LYPD2: variants seen among roughly 807,000 people sequenced by gnomAD.
LYPD2 encodes LY6/PLAUR domain containing 2.
A neutral mutation model predicts 7.1 loss-of-function variants in LYPD2; 5 were observed. The observed-to-expected ratio is 0.70, with a 90% CI of 0.37 to 1.48. The LOEUF (loss-of-function observed/expected upper bound fraction) is 1.48, where lower values mean the gene tolerates loss of function less well. Among genes scored for constraint, LYPD2 ranks in the 40% most tolerant of loss-of-function variants. The probability of loss-of-function intolerance (pLI) is 0.03; values close to 1 mark genes in which losing one functional copy is unlikely to be tolerated. For missense variants in LYPD2, 177 were observed against 171.0 expected (o/e 1.04, Z -0.20); for synonymous variants, 78 against 82.0 (o/e 0.95, Z 0.26).
chr8:142,751,057 C>A lies in LYPD2; in HGVS notation c.172G>T (p.Glu58Ter). Residue 58 changes from glutamate to a stop codon, truncating the protein, a stop_gained, in exon 2 of 3, where the codon GAG becomes TAG. Transcript: ENST00000359228. LOFTEE classifies it low-confidence loss of function (END_TRUNC). ...TMCKTTLYSR[E>*]IVYPFQGDST... is the part of the protein sequence containing the mutation. Reference sequence around the variant, plus strand: ...GCCTTCTGTGCCCACTGACCTATCTCCCGGGAGTAGAGTGTGGTCTTGCAC... The same window carrying A: ...GCCTTCTGTGCCCACTGACCTATCTACCGGGAGTAGAGTGTGGTCTTGCAC... 2 of 1,614,156 alleles carry A rather than the reference C, an allele frequency of 1.2e-6. No individual in the cohort carries two copies. The highest frequency in any genetic ancestry group is 1.7e-6 in the Non-Finnish European group (2 of 1,180,020).
At chr8:142,750,791 A>G (rs1190964453) in intron 2 of LYPD2, among the ~76,000 whole-genome samples, 1 of 152,230 alleles carries the variant, frequency 6.6e-6, no homozygotes, top group Non-Finnish European at 1.5e-5. Context: ...ACCGAAGGAC[A>G]TGAGGGAGAG....
intron 2 of LYPD2, 107 bp from the exon 3 acceptor site, chr8:142,750,589 G>A (rs1217799051): frequency 4.0e-5 from 44 of 1,096,754 alleles, no homozygotes; most frequent in Non-Finnish European, 4.4e-5. Context: ...CACCCACCCG[G>A]GTCTCCGTCC....
At chr8:142,752,367 A>G in intron 1 of LYPD2, 27 bp downstream of exon 1, 2 of 1,612,270 alleles carry the variant, frequency 1.2e-6, no homozygotes, top group South Asian at 1.1e-5. Flanking sequence ...CCTCCGTCCC[A>G]GCTCCCCTGT....
In LYPD2 at chr8:142,752,499, G is replaced by A. The variant is rs373750977; in HGVS notation, c.-48C>T. ...CTCTCACCCCAGGCTTGCCTGGCGG[G>A]GACAGCAGACACCAAGTGAGGTGGC... On this transcript the variant is annotated 5_prime_UTR_variant, in exon 1 of 3. Coordinates refer to ENST00000359228, the MANE Select transcript of LYPD2 (RefSeq NM_205545.3). The A allele has an allele frequency of 5.6e-6, 9 of 1,605,292 alleles. No homozygotes were observed. Among genetic ancestry groups the A allele is most frequent in the Admixed American group, 5.0e-5 (3 of 59,670 alleles).
chr8:142,750,314 G>A lies in LYPD2; in HGVS notation c.347C>T (p.Thr116Met), dbSNP rs368060572. Residue 116 changes from threonine (T) to methionine (M), a missense_variant, in exon 3 of 3, where the codon ACG becomes ATG. Thr to Met is a moderately conservative substitution (Grantham distance 81, BLOSUM62 -1). Transcript: ENST00000359228. ...ALNSLHCGAL[T>M]LLPLLSLRL ...TCGGAGGCTCAAGAGTGGGAGGAGC[G>A]TGAGGGCCCCGCAGTGGAGGCTGTT... 1.9e-5 allele frequency: 29 copies of A among 1,553,530 alleles called. No homozygotes were observed. The highest frequency in any genetic ancestry group is 1.7e-4 in the Middle Eastern group (1 of 6,016).
Position 142,750,259 on chromosome 8 carries a change from G to A in LYPD2, c.*24C>T, listed in dbSNP as rs781666883. 9 of 1,546,966 alleles carry A rather than the reference G, an allele frequency of 5.8e-6. No individual in the cohort carries two copies. Among genetic ancestry groups the A allele is most frequent in the Admixed American group, 3.9e-5 (2 of 50,956 alleles). ...AAGGCATTCGGGGCTGGGCCGCATA[G>A]GGCCATGGGGGTGGGCGGGGACTCT... On this transcript the variant is annotated 3_prime_UTR_variant, in exon 3 of 3. Transcript: ENST00000359228.
At position 142,750,488 on chromosome 8, in the gene LYPD2, G is replaced by A. The variant is rs1814679149; in HGVS notation, c.179-6C>T. The A allele has an allele frequency of 1.9e-6, 3 of 1,573,844 alleles. No individual in the cohort carries two copies. Among genetic ancestry groups the A allele is most frequent in the South Asian group, 2.3e-5 (2 of 85,616 alleles). ...GTCCCCCTGGAAGGGGTACACTGTG[G>A]GGTGTGGGAAGAGTCAGCCGTCAGG... is the stretch of plus-strand genomic sequence containing the variant. On this transcript the variant is annotated splice_region_variant and splice_polypyrimidine_tract_variant and intron_variant, in intron 2 of 2. Coordinates refer to ENST00000359228, the MANE Select transcript of LYPD2 (RefSeq NM_205545.3).
chr8:142,750,393 G>T lies in LYPD2; in HGVS notation c.268C>A (p.Pro90Thr). ...AGCTCAGTATTGCAGCAGGACACGG[G>T]CAGGGTCTGGCCGATGCCATCCACA... ...SDVDGIGQTLPVSCCNTELCN... is the reference protein window; with the variant it reads ...SDVDGIGQTLTVSCCNTELCN... The change falls in exon 3 of 3, where the codon CCC becomes ACC. Residue 90 changes from proline (P) to threonine (T), a missense_variant. Physicochemically the swap from Pro to Thr is conservative, Grantham distance 38. Coordinates refer to ENST00000359228, the MANE Select transcript of LYPD2 (RefSeq NM_205545.3). 6.3e-7 allele frequency: 1 copy of T among 1,578,018 alleles called. No individual in the cohort carries two copies.
At position 142,751,164 on chromosome 8, in the gene LYPD2, G is replaced by A. The variant is rs1230443006; in HGVS notation, c.65C>T (p.Ala22Val). 2 of 1,613,942 alleles carry A rather than the reference G, an allele frequency of 1.2e-6. No individual in the cohort carries two copies. The highest frequency in any genetic ancestry group is 8.5e-7 in the Non-Finnish European group (1 of 1,180,008). The change falls in exon 2 of 3, where the codon GCC (alanine) becomes GTC (valine). Residue 22 changes from alanine to valine, a missense_variant. Coordinates refer to ENST00000359228, the MANE Select transcript of LYPD2 (RefSeq NM_205545.3). ...VLAACGELAP[A>V]LRCYVCPEPT... ...CTCCGGACAGACGTAGCAGCGCAGG[G>A]CCGGCGCTGGGGAGAAGGGACAAGG...
In LYPD2 at chr8:142,750,349, C is replaced by T. The variant is rs367781338; in HGVS notation, c.312G>A (p.Ala104=). 59 of 1,558,526 alleles carry T rather than the reference C, an allele frequency of 3.8e-5. No homozygotes were observed. Among genetic ancestry groups the T allele is most frequent in the African/African-American group, 2.0e-4 (15 of 73,556 alleles). The change falls in exon 3 of 3, where the codon GCG becomes GCA. Residue 104 remains alanine (A), a synonymous_variant. Coordinates refer to ENST00000359228, the MANE Select transcript of LYPD2 (RefSeq NM_205545.3). ...CGCAGTGGAGGCTGTTCAGAGCGGGCGCCCCGTCTACATTGCACAGCTCAG... is the reference window on the plus strand; with the variant it reads ...CGCAGTGGAGGCTGTTCAGAGCGGGTGCCCCGTCTACATTGCACAGCTCAG... ...CNTELCNVDG[A]PALNSLHCGA...
chr8:142,752,483 C>G lies in LYPD2; in HGVS notation c.-32G>C, dbSNP rs181564279. The G allele has an allele frequency of 1.2e-6, 2 of 1,611,224 alleles. No individual in the cohort carries two copies. The highest frequency in any genetic ancestry group is 1.1e-5 in the South Asian group (1 of 90,962). On this transcript the variant is annotated 5_prime_UTR_variant, in exon 1 of 3. Transcript: ENST00000359228. ...GGCCCACTCCTCTGTGCTCTCACCCCAGGCTTGCCTGGCGGGGACAGCAGA... is the reference window on the plus strand; with the variant it reads ...GGCCCACTCCTCTGTGCTCTCACCCGAGGCTTGCCTGGCGGGGACAGCAGA...
intron 2 of LYPD2, 83 bp downstream of exon 2, chr8:142,750,968 T>C: frequency 6.3e-7 from 1 of 1,591,624 alleles, no homozygotes; most frequent in Non-Finnish European, 8.6e-7. Context: ...CTCACTGCCC[T>C]ATCTCCTGGG....
chr8:142,752,012 C>G (rs1417226686), intron 1 of LYPD2, among the ~76,000 whole-genome samples: 1 of 152,142 alleles, frequency 6.6e-6, no homozygotes, highest in Non-Finnish European at 1.5e-5. Flanking sequence ...TTTCCCCACT[C>G]CTCTCCATCT....
At chr8:142,751,304 G>A in intron 1 of LYPD2, 134 bp from the exon 2 acceptor site, 1 of 1,242,918 alleles carries the variant, frequency 8.0e-7, no homozygotes, top group Non-Finnish European at 1.1e-6. Flanking sequence ...CCAAAACTCA[G>A]GAGCAATGCC....
At chr8:142,752,156 C>T (rs986414209) in intron 1 of LYPD2, among the ~76,000 whole-genome samples, 1 of 152,104 alleles carries the variant, frequency 6.6e-6, no homozygotes, top group East Asian at 1.9e-4. Flanking sequence ...GGCTGGGCCC[C>T]CGCCCACCTC....
In LYPD2 at chr8:142,750,488, G is replaced by C; in HGVS notation, c.179-6C>G. 1 of 1,573,962 alleles carries C rather than the reference G, an allele frequency of 6.4e-7. No individual in the cohort carries two copies. Among genetic ancestry groups the C allele is most frequent in the Non-Finnish European group, 8.6e-7 (1 of 1,159,534 alleles). ...GTCCCCCTGGAAGGGGTACACTGTG[G>C]GGTGTGGGAAGAGTCAGCCGTCAGG... On this transcript the variant is annotated splice_region_variant and splice_polypyrimidine_tract_variant and intron_variant, in intron 2 of 2. Coordinates refer to ENST00000359228, the MANE Select transcript of LYPD2 (RefSeq NM_205545.3).
At chr8:142,750,564 G>A (rs1814681998) in intron 2 of LYPD2, 82 bp from the exon 3 acceptor site, 1 of 1,392,012 alleles carries the variant, frequency 7.2e-7, no homozygotes, top group South Asian at 1.3e-5. Flanking sequence ...CCTCATGCAG[G>A]CCCCACTCTG....
intron 2 of LYPD2, 120 bp downstream of exon 2, chr8:142,750,931 G>A: frequency 6.5e-7 from 1 of 1,541,594 alleles, no homozygotes. Flanking sequence ...GCTCTGACCG[G>A]GAACCCAGCC....
intron 2 of LYPD2, 85 bp from the exon 3 acceptor site, chr8:142,750,567 C>G: frequency 7.3e-7 from 1 of 1,371,670 alleles, no homozygotes; most frequent in African/African-American, 1.4e-5. Context: ...CATGCAGGCC[C>G]CACTCTGGGG....
Sources: allele counts gnomAD v4.1 joint callset (sites outside exome capture counted in the v4.1 genomes callset), GRCh38; gene constraint gnomAD v4.1.1; transcripts MANE v1.5; gene names NCBI Gene and HGNC (gene_info 2026-07-23, HGNC 2026-07-21).